CST8: variants seen among roughly 807,000 people sequenced by gnomAD.
CST8 encodes cystatin-8.
In CST8, 20 loss-of-function variants were observed where a neutral mutation model predicts 11.8. That is an observed-to-expected ratio of 1.70 (90% CI 1.20 to 2.47). The LOEUF (loss-of-function observed/expected upper bound fraction) is 2.47, where lower values mean the gene tolerates loss of function less well. CST8 is among the 30% of genes most tolerant of loss of function. The probability of loss-of-function intolerance (pLI) is 0.00; values close to 1 mark genes in which losing one functional copy is unlikely to be tolerated. For missense variants in CST8, 196 were observed against 167.2 expected (o/e 1.17, Z -0.95); for synonymous variants, 77 against 63.1 (o/e 1.22, Z -1.05).
rs149442906 is a variant in CST8, at chr20:23,493,041, C to T, written c.315C>T (p.Cys105=). 614 of 1,611,230 alleles carry T rather than the reference C, an allele frequency of 3.8e-4. No individual in the cohort carries two copies. The African/African-American group carries it at 6.1e-3, about 16-fold the overall frequency. ...AGCCTTTAAGCACTAATGAAATCTG[C>T]GCCATTCAAGAAAACTCCAAGCTGA... ...CRKPLSTNEI[C]AIQENSKLKR... Residue 105 remains cysteine, a synonymous_variant, in exon 3 of 4, where the codon TGC becomes TGT. Transcript: ENST00000246012.
chr20:23,494,625 A>C (rs144058719), intron 3 of CST8, among the ~76,000 whole-genome samples: 1 of 152,144 alleles, frequency 6.6e-6, no homozygotes, highest in African/African-American at 2.4e-5. Context: ...CAGGACCACT[A>C]TCTCTCTGCC....
chr20:23,505,995 G>GTT, the CST8 span, among the ~76,000 whole-genome samples: 100 of 147,376 alleles, frequency 6.8e-4, no homozygotes, highest in African/African-American at 2.3e-3. Flanking sequence ...AAATCTCCTA[G>GTT]TTTTTTTTTT....
chr20:23,499,857 G>A (rs923743548), downstream of CST8, among the ~76,000 whole-genome samples: 1 of 152,186 alleles, frequency 6.6e-6, no homozygotes, highest in Non-Finnish European at 1.5e-5. Context: ...TGCGATAAAA[G>A]TCTGTTTGTG....
chr20:23,506,102 T>A, the CST8 span, among the ~76,000 whole-genome samples: 2 of 152,144 alleles, frequency 1.3e-5, no homozygotes, highest in Non-Finnish European at 2.9e-5. Flanking sequence ...TTGCTGGTAG[T>A]TTGTACTGGA....
At chr20:23,502,329 T>C in the CST8 span, among the ~76,000 whole-genome samples, 1 of 152,186 alleles carries the variant, frequency 6.6e-6, no homozygotes, top group Non-Finnish European at 1.5e-5. Context: ...GAAAGCATGG[T>C]GGGGGTATGT....
chr20:23,491,544 A>T lies in CST8; in HGVS notation c.-124A>T, dbSNP rs1312246282. 1 of 734,540 alleles carries T rather than the reference A, an allele frequency of 1.4e-6. No individual in the cohort carries two copies. The highest frequency in any genetic ancestry group is 2.4e-6 in the Non-Finnish European group (1 of 423,444). 45.5% of individuals were successfully genotyped at this position (734,540 alleles called of 1,614,324 possible). ...ATCCAGCTGGGCTGACGCTAACAGG[A>T]GGCAGTGTGTGGCTCGAAGATTCTT... On this transcript the variant is annotated 5_prime_UTR_variant, in exon 2 of 4. Coordinates refer to ENST00000246012, the MANE Select transcript of CST8 (RefSeq NM_005492.4).
intron 3 of CST8, among the ~76,000 whole-genome samples, chr20:23,495,472 T>C (rs1988013390): frequency 6.6e-6 from 1 of 152,242 alleles, no homozygotes; most frequent in Non-Finnish European, 1.5e-5. Flanking sequence ...AAATGGATTA[T>C]TTAATCAATA....
downstream of CST8, among the ~76,000 whole-genome samples, chr20:23,498,639 G>A (rs751578783): frequency 6.6e-6 from 1 of 152,158 alleles, no homozygotes; most frequent in Non-Finnish European, 1.5e-5. Context: ...GCCCCTGCCT[G>A]TGGTCTCTGT....
In CST8 at chr20:23,493,046, T is replaced by C; in HGVS notation, c.320T>C (p.Ile107Thr). The change falls in exon 3 of 4, where the codon ATT becomes ACT. Residue 107 changes from isoleucine to threonine, a missense_variant. By Grantham distance (89) the Ile-to-Thr change is moderately conservative. Coordinates refer to ENST00000246012, the MANE Select transcript of CST8 (RefSeq NM_005492.4). ...KPLSTNEICA[I>T]QENSKLKRKL... ...TTAAGCACTAATGAAATCTGCGCCATTCAAGAAAACTCCAAGCTGAAAAGG... is the reference window on the plus strand; with the variant it reads ...TTAAGCACTAATGAAATCTGCGCCACTCAAGAAAACTCCAAGCTGAAAAGG... 2 of 1,611,688 alleles carry C rather than the reference T, an allele frequency of 1.2e-6. No homozygotes were observed. Among genetic ancestry groups the C allele is most frequent in the Non-Finnish European group, 8.5e-7 (1 of 1,177,916 alleles).
the CST8 span, among the ~76,000 whole-genome samples, chr20:23,502,799 G>C: frequency 3.9e-4 from 60 of 152,190 alleles, 1 homozygote; most frequent in East Asian, 6.6e-3. Flanking sequence ...CTCCATTTAC[G>C]GTCTTCAGTA....
At position 23,495,857 on chromosome 20, in the gene CST8, A is replaced by G. The variant is rs372473753; in HGVS notation, c.372A>G (p.Gly124=). 2.7e-5 allele frequency: 44 copies of G among 1,606,344 alleles called. No homozygotes were observed. The highest frequency in any genetic ancestry group is 3.6e-5 in the Non-Finnish European group (43 of 1,178,338). The change falls in exon 4 of 4, where the codon GGA becomes GGG. Residue 124 remains glycine, a synonymous_variant. Coordinates refer to ENST00000246012, the MANE Select transcript of CST8 (RefSeq NM_005492.4). ...AATTAAGCTGCAGCTTTTTGGTAGG[A>G]GCACTTCCCTGGAATGGTGAATTCA... ...KRKLSCSFLV[G]ALPWNGEFTV...
the CST8 span, among the ~76,000 whole-genome samples, chr20:23,503,897 G>A: frequency 1.3e-5 from 2 of 152,202 alleles, no homozygotes; most frequent in Admixed American, 6.5e-5. Flanking sequence ...CAAGGAGGAT[G>A]CACGCTCAGA....
chr20:23,500,666 G>T (rs948659641), downstream of CST8, among the ~76,000 whole-genome samples: 2 of 152,004 alleles, frequency 1.3e-5, no homozygotes, highest in East Asian at 1.9e-4. Flanking sequence ...AAACCTGGGG[G>T]CGGACGGTGC....
At chr20:23,492,889 T>C in intron 2 of CST8, 69 bp from the exon 3 acceptor site, 1 of 911,298 alleles carries the variant, frequency 1.1e-6, no homozygotes, top group East Asian at 2.4e-5. Flanking sequence ...AGAGTAATTT[T>C]TTTTTTTTGT....
intron 3 of CST8, 33 bp downstream of exon 3, chr20:23,493,104 A>G (rs1057453906): frequency 1.5e-6 from 2 of 1,292,640 alleles, no homozygotes; most frequent in African/African-American, 2.9e-5. Context: ...GTGACGGCCT[A>G]GGCAGCTCTG....
downstream of CST8, among the ~76,000 whole-genome samples, chr20:23,498,308 A>T (rs1477763232): frequency 1.3e-5 from 2 of 152,168 alleles, no homozygotes; most frequent in East Asian, 1.9e-4. Flanking sequence ...TAAAAATTTT[A>T]AAAATAGATG....
downstream of CST8, among the ~76,000 whole-genome samples, chr20:23,499,719 C>T (rs1988137287): frequency 1.3e-5 from 2 of 152,190 alleles, no homozygotes; most frequent in Non-Finnish European, 2.9e-5. Flanking sequence ...GGCCTGTCCA[C>T]CTGGCGACCA....
chr20:23,497,287 C>T (rs193125149), downstream of CST8, among the ~76,000 whole-genome samples: 552 of 152,308 alleles, frequency 3.6e-3, 3 homozygotes, highest in African/African-American at 0.01. Context: ...TCCCTCTGTT[C>T]GGGGTTCCTG....
Position 23,493,119 on chromosome 20 carries a change from C to G in CST8, c.345+48C>G, listed in dbSNP as rs747230656. 3 of 1,193,758 alleles carry G rather than the reference C, an allele frequency of 2.5e-6. No individual in the cohort carries two copies. The South Asian group carries it at 3.7e-5, about 15-fold the overall frequency. The allele number at this position is 1,193,758 out of a possible 1,614,324, so 73.9% of individuals were successfully genotyped here. On this transcript the variant is annotated intron_variant, in intron 3 of 3. Coordinates refer to ENST00000246012, the MANE Select transcript of CST8 (RefSeq NM_005492.4). The stretch of plus-strand genomic sequence containing the variant: ...GTGACGGCCTAGGCAGCTCTGAACC[C>G]AAGAGAGAAAGCTGAGGCACGCAGA...
Sources: gnomAD v4.1 joint callset for allele counts (sites outside exome capture counted in the v4.1 genomes callset) on GRCh38, gnomAD v4.1.1 for gene constraint, MANE v1.5 for transcripts, NCBI Gene and HGNC (gene_info 2026-07-23, HGNC 2026-07-21) for gene names.